Variants in WNK1 observed in about 807,000 individuals in gnomAD.
WNK1 encodes the protein WNK lysine deficient protein kinase 1, also known as serine/threonine-protein kinase WNK1.
Under a neutral mutation model 222.8 loss-of-function variants are expected in WNK1, and 38 were observed. The ratio of observed to expected loss-of-function variants is 0.17; its 90% CI spans 0.13 to 0.22. WNK1 has a LOEUF of 0.22. Ranked by LOEUF, WNK1 falls within the 10% of genes least tolerant of loss-of-function variation. The pLI, the probability that WNK1 is intolerant of heterozygous loss-of-function variation, is 1.00. For synonymous variants in WNK1, 1,090 were observed against 1,092.9 expected (o/e 1.00, Z 0.05); for missense variants, 2,348 against 2,918.4 (o/e 0.80, Z 4.50).
chr12:767,785 A>G (rs549150849), intron 1 of WNK1, among the ~76,000 whole-genome samples: 1 of 152,228 alleles, frequency 6.6e-6, no homozygotes, highest in East Asian at 1.9e-4. Flanking sequence ...GTAGTTGTTT[A>G]CCAGAAGAGT....
intron 8 of WNK1, among the ~76,000 whole-genome samples, chr12:864,608 A>G (rs1048385990): frequency 2.0e-5 from 3 of 152,202 alleles, no homozygotes; most frequent in African/African-American, 7.2e-5. Flanking sequence ...TTTCCATCTC[A>G]TGTCTTCTAA....
chr12:821,146 ATATAT>A (rs1294053542), intron 2 of WNK1, among the ~76,000 whole-genome samples: 2 of 143,344 alleles, frequency 1.4e-5, no homozygotes, highest in Non-Finnish European at 3.0e-5. Flanking sequence ...TATTAGTGTG[ATATAT>A]TATACTGATT....
intron 2 of WNK1, among the ~76,000 whole-genome samples, chr12:821,979 A>G (rs969941657): frequency 6.6e-6 from 1 of 151,970 alleles, no homozygotes; most frequent in Admixed American, 6.6e-5. Context: ...TTCTTTTTAA[A>G]AAATCCATTC....
intron 1 of WNK1, among the ~76,000 whole-genome samples, chr12:772,431 G>GTATGTA (rs72516316): frequency 1.2e-4 from 18 of 151,304 alleles, no homozygotes; most frequent in African/African-American, 2.9e-4. Context: ...GTGTATGTAT[G>GTATGTA]TGTGTGTGTG....
At chr12:768,772 A>G (rs1429496156) in intron 1 of WNK1, among the ~76,000 whole-genome samples, 1 of 152,120 alleles carries the variant, frequency 6.6e-6, no homozygotes, top group Non-Finnish European at 1.5e-5. Context: ...TAAATATTAC[A>G]CAATATAATT....
At chr12:862,715 T>C (rs1951312430) in intron 8 of WNK1, among the ~76,000 whole-genome samples, 1 of 152,212 alleles carries the variant, frequency 6.6e-6, no homozygotes, top group Non-Finnish European at 1.5e-5. Context: ...GTACTCTAGA[T>C]TGAGGGAATC....
intron 10 of WNK1, among the ~76,000 whole-genome samples, chr12:879,006 T>C (rs183327361): frequency 3.3e-5 from 5 of 152,276 alleles, no homozygotes; most frequent in African/African-American, 1.2e-4. Context: ...AGATCCCAAT[T>C]TCTCACATGT....
At chr12:819,866 T>C (rs1362208712) in intron 2 of WNK1, among the ~76,000 whole-genome samples, 1 of 152,210 alleles carries the variant, frequency 6.6e-6, no homozygotes, top group Non-Finnish European at 1.5e-5. Flanking sequence ...CAAAAATTAT[T>C]TAATCATATG....
At chr12:853,545 C>T (rs1173896005) in intron 4 of WNK1, among the ~76,000 whole-genome samples, 1 of 152,186 alleles carries the variant, frequency 6.6e-6, no homozygotes, top group Non-Finnish European at 1.5e-5. Flanking sequence ...TCATTATTGG[C>T]TAGACAGGAA....
chr12:790,573 G>C (rs144555224), intron 1 of WNK1, among the ~76,000 whole-genome samples: 1,729 of 152,278 alleles, frequency 0.011, 21 homozygotes, highest in Non-Finnish European at 0.019. Flanking sequence ...GTCTTGACCT[G>C]TGTATGTGTG....
intron 26 of WNK1, among the ~76,000 whole-genome samples, chr12:905,085 G>T (rs1955586562): frequency 6.6e-6 from 1 of 152,182 alleles, no homozygotes; most frequent in Non-Finnish European, 1.5e-5. Context: ...TGTGGGAATA[G>T]GGGAAATGTA....
At position 856,130 on chromosome 12, in the gene WNK1, C is replaced by T. The variant is rs575306063; in HGVS notation, c.1312-1031C>T. 1.6e-3 allele frequency among the ~76,000 whole-genome samples: 238 copies of T among 151,836 alleles called. 2 individuals carry two copies. The South Asian group carries it at 0.018, about 12-fold the overall frequency. ...CTGGGATTACAGGTGTGAGCCACGG[C>T]GCCCAACCTGAAAATTTATTTTTAA... On this transcript the variant is annotated intron_variant, in intron 4 of 27. Coordinates refer to ENST00000315939, the MANE Select transcript of WNK1 (RefSeq NM_018979.4).
chr12:903,080 C>T (rs551443394), intron 26 of WNK1, among the ~76,000 whole-genome samples: 1 of 152,256 alleles, frequency 6.6e-6, no homozygotes, highest in East Asian at 1.9e-4. Flanking sequence ...AGATTTAAAG[C>T]GAAGCATATG....
At chr12:835,940 A>C (rs572175026) in intron 4 of WNK1, among the ~76,000 whole-genome samples, 63 of 152,066 alleles carry the variant, frequency 4.1e-4, no homozygotes, top group Admixed American at 8.5e-4. Flanking sequence ...GGTGACAGCA[A>C]GACTTGGTCT....
chr12:883,131 T>A, intron 15 of WNK1, 72 bp downstream of exon 15: 1 of 1,138,058 alleles, frequency 8.8e-7, no homozygotes, highest in Non-Finnish European at 1.3e-6. Context: ...TAGGCAAATA[T>A]GCCATATTTT....
chr12:898,214 G>C (rs1220769976), intron 25 of WNK1, among the ~76,000 whole-genome samples: 1 of 152,080 alleles, frequency 6.6e-6, no homozygotes, highest in Non-Finnish European at 1.5e-5. Context: ...GTTAGGCACG[G>C]TGGCTCACGC....
chr12:821,854 T>C (rs1947908861), intron 2 of WNK1, among the ~76,000 whole-genome samples: 2 of 152,142 alleles, frequency 1.3e-5, no homozygotes, highest in Non-Finnish European at 2.9e-5. Flanking sequence ...CACCCTCTTT[T>C]ATTTACTATT....
chr12:769,325 A>C (rs1159686635), intron 1 of WNK1, among the ~76,000 whole-genome samples: 1 of 151,716 alleles, frequency 6.6e-6, no homozygotes, highest in Non-Finnish European at 1.5e-5. Context: ...CAGCCTCCCA[A>C]ATTGCTGGGA....
intron 1 of WNK1, among the ~76,000 whole-genome samples, chr12:777,225 C>A (rs1228201997): frequency 2.1e-5 from 3 of 145,954 alleles, no homozygotes; most frequent in African/African-American, 7.7e-5. Flanking sequence ...TGCAGTGGTG[C>A]GATCTTGGCC....
Sources: allele counts gnomAD v4.1 joint callset (sites outside exome capture counted in the v4.1 genomes callset), GRCh38; gene constraint gnomAD v4.1.1; transcripts MANE v1.5; gene names NCBI Gene and HGNC (gene_info 2026-07-23, HGNC 2026-07-21).